CASR: variants seen among roughly 807,000 people sequenced by gnomAD.
CASR encodes calcium sensing receptor.
In CASR, 23 loss-of-function variants were observed where a neutral mutation model predicts 69.1. The observed-to-expected ratio is 0.33, with a 90% CI of 0.24 to 0.47. The LOEUF is 0.47. Among genes scored for constraint, CASR ranks in the 20% least tolerant of loss-of-function variants. The probability of loss-of-function intolerance (pLI) is 1.00; values close to 1 mark genes in which losing one functional copy is unlikely to be tolerated. For synonymous variants in CASR, 541 were observed against 544.7 expected, an observed-to-expected ratio of 0.99 and a Z score of 0.10; for missense variants, 924 against 1,356.1, an observed-to-expected ratio of 0.68 and a Z score of 5.00.
intron 1 of CASR, among the ~76,000 whole-genome samples, chr3:122,241,317 A>G (rs1198288404): frequency 6.6e-6 from 1 of 152,134 alleles, no homozygotes; most frequent in African/African-American, 2.4e-5. Context: ...AGAAGACCCA[A>G]ATAAATAAAA....
chr3:122,218,781 T>C (rs2074143143), intron 1 of CASR, among the ~76,000 whole-genome samples: 1 of 152,204 alleles, frequency 6.6e-6, no homozygotes, highest in Non-Finnish European at 1.5e-5. Context: ...GTTGACAATA[T>C]GCAAGTAAAC....
chr3:122,284,726 C>G lies in CASR; in HGVS notation c.2772C>G (p.Phe924Leu). The change falls in exon 7 of 7, where the codon TTC (phenylalanine) becomes TTG (leucine). Residue 924 changes from phenylalanine (F) to leucine (L), a missense_variant. Coordinates refer to ENST00000639785, the MANE Select transcript of CASR (RefSeq NM_000388.4). Reference sequence around the variant, plus strand: ...GCAAGAGCAACAGCGAAGACCCATTCCCACAGCCCGAGAGGCAGAAGCAGC... The same window carrying G: ...GCAAGAGCAACAGCGAAGACCCATTGCCACAGCCCGAGAGGCAGAAGCAGC... ...ISSKSNSEDP[F>L]PQPERQKQQQ... 2 of 1,614,190 alleles carry G rather than the reference C, an allele frequency of 1.2e-6. No homozygotes were observed. Among genetic ancestry groups the G allele is most frequent in the Non-Finnish European group, 1.7e-6 (2 of 1,180,020 alleles).
intron 1 of CASR, among the ~76,000 whole-genome samples, chr3:122,187,842 G>A (rs544867315): frequency 6.6e-6 from 1 of 152,326 alleles, no homozygotes; most frequent in East Asian, 1.9e-4. Flanking sequence ...CAAGAGGTAG[G>A]GAGGCTAGCA....
chr3:122,259,062 C>T (rs1553766435), intron 3 of CASR, among the ~76,000 whole-genome samples: 1 of 152,056 alleles, frequency 6.6e-6, no homozygotes, highest in Non-Finnish European at 1.5e-5. Flanking sequence ...GAAATTCTCC[C>T]CTCTTACAAT....
rs949204787 is a variant in CASR at position 122,290,265 on chromosome 3, T to C, written c.*5074T>C. The stretch of plus-strand genomic sequence containing the variant: ...AGTTTCAGCACATGGATGGCAAATA[T>C]TTTCAAGTTTGGTGAAAATAGGTAA... On this transcript the variant is annotated 3_prime_UTR_variant, in exon 7 of 7. Coordinates refer to ENST00000639785, the MANE Select transcript of CASR (RefSeq NM_000388.4). 3 of 152,088 alleles carry C rather than the reference T, an allele frequency of 2.0e-5. No individual in the cohort carries two copies. The highest frequency in any genetic ancestry group is 2.9e-5 in the Non-Finnish European group (2 of 68,014). The allele number at this position is 152,088 out of a possible 1,614,324, so 9.4% of individuals were successfully genotyped here.
chr3:122,281,904 A>G (rs1409002709), intron 5 of CASR, among the ~76,000 whole-genome samples: 1 of 152,046 alleles, frequency 6.6e-6, no homozygotes, highest in African/African-American at 2.4e-5. Context: ...GTGCATGTAT[A>G]CACACACACT....
intron 1 of CASR, among the ~76,000 whole-genome samples, chr3:122,201,631 A>C (rs1452176064): frequency 7.1e-6 from 1 of 140,838 alleles, no homozygotes; most frequent in African/African-American, 2.6e-5. Flanking sequence ...GGCGGGGGCG[A>C]CCCCCCACCT....
intron 1 of CASR, among the ~76,000 whole-genome samples, chr3:122,194,565 T>C (rs1460247072): frequency 2.0e-5 from 3 of 152,178 alleles, no homozygotes; most frequent in Non-Finnish European, 4.4e-5. Flanking sequence ...GTGTGGTTTG[T>C]TAGTGTTTGC....
intron 5 of CASR, among the ~76,000 whole-genome samples, chr3:122,278,151 A>C (rs1218179689): frequency 6.6e-6 from 1 of 152,050 alleles, no homozygotes; most frequent in African/African-American, 2.4e-5. Context: ...ATCAAGGATG[A>C]AAAGCGTATG....
At chr3:122,207,204 T>C (rs2074015776) in intron 1 of CASR, among the ~76,000 whole-genome samples, 1 of 152,036 alleles carries the variant, frequency 6.6e-6, no homozygotes, top group Non-Finnish European at 1.5e-5. Flanking sequence ...GGTATTGTAT[T>C]GCAAAGTCCC....
intron 1 of CASR, among the ~76,000 whole-genome samples, chr3:122,236,322 T>C (rs1316809477): frequency 6.6e-6 from 1 of 152,210 alleles, no homozygotes; most frequent in African/African-American, 2.4e-5. Flanking sequence ...GGCAACTGAA[T>C]GTAGCATGTT....
chr3:122,247,993 A>G (rs2107619026), intron 1 of CASR, among the ~76,000 whole-genome samples: 1 of 152,240 alleles, frequency 6.6e-6, no homozygotes, highest in East Asian at 1.9e-4. Context: ...CCAGAACTAA[A>G]TGAGGCATGG....
chr3:122,261,691 G>A lies in CASR; in HGVS notation c.656G>A (p.Gly219Glu), dbSNP rs1237913277. The A allele has an allele frequency of 6.2e-7, 1 of 1,614,094 alleles. No homozygotes were observed. The highest frequency in any genetic ancestry group is 8.5e-7 in the Non-Finnish European group (1 of 1,180,042). Reference sequence around the variant, plus strand: ...ACAATTGCAGCTGATGACGACTATGGGCGGCCGGGGATTGAGAAATTCCGA... The same window carrying A: ...ACAATTGCAGCTGATGACGACTATGAGCGGCCGGGGATTGAGAAATTCCGA... ...VGTIAADDDYGRPGIEKFREE... is the reference protein window; with the variant it reads ...VGTIAADDDYERPGIEKFREE... Residue 219 changes from glycine to glutamate, a missense_variant, in exon 4 of 7, where the codon GGG becomes GAG. By Grantham distance (98) the Gly-to-Glu change is moderately conservative. This residue lies in a region of CASR where 141 missense variants were observed against 283.0 expected (regional missense o/e 0.50). Transcript: ENST00000639785.
At position 122,282,245 on chromosome 3, in the gene CASR, A is replaced by G. The variant is rs2074900202; in HGVS notation, c.1732+9A>G. 4.3e-6 allele frequency: 7 copies of G among 1,613,694 alleles called. No individual in the cohort carries two copies. The highest frequency in any genetic ancestry group is 5.1e-6 in the Non-Finnish European group (6 of 1,179,846). ...GTATAGTGATGAGACAGGTAAGGGA[A>G]CCCCTCTTGGGCACTGTGCAGGGCT... is the stretch of plus-strand genomic sequence containing the variant. On this transcript the variant is annotated intron_variant, in intron 6 of 6. Transcript: ENST00000639785.
chr3:122,215,792 C>T (rs1226404270), intron 1 of CASR, among the ~76,000 whole-genome samples: 1 of 152,184 alleles, frequency 6.6e-6, no homozygotes. Context: ...AATTGGTTTT[C>T]TTGGACAGCT....
rs200267002 is a variant in CASR at position 122,254,094 on chromosome 3, C to T, written c.-96C>T. 20 of 1,020,882 alleles carry T rather than the reference C, an allele frequency of 2.0e-5. No homozygotes were observed. The highest frequency in any genetic ancestry group is 3.1e-5 in the Non-Finnish European group (20 of 643,666). The allele number at this position is 1,020,882 out of a possible 1,614,324, so 63.2% of individuals were successfully genotyped here. A position where few individuals can be genotyped will look rare whatever the true frequency, so the allele number is the denominator to read the frequency against. Reference sequence around the variant, plus strand: ...ATTAATCAATCTGTAGACATGTGTCCCCACTGCAGGGAGTGAACTGCTCCA... The same window carrying T: ...ATTAATCAATCTGTAGACATGTGTCTCCACTGCAGGGAGTGAACTGCTCCA... On this transcript the variant is annotated 5_prime_UTR_variant, in exon 2 of 7. Transcript: ENST00000639785.
intron 1 of CASR, among the ~76,000 whole-genome samples, chr3:122,243,994 T>A (rs1032621271): frequency 2.0e-5 from 3 of 152,000 alleles, no homozygotes; most frequent in African/African-American, 7.2e-5. Flanking sequence ...CTCATGAACA[T>A]TGAGAGTAGA....
intron 4 of CASR, among the ~76,000 whole-genome samples, chr3:122,273,181 A>G (rs2074778345): frequency 1.3e-5 from 2 of 152,348 alleles, no homozygotes; most frequent in African/African-American, 4.8e-5. Context: ...ATGCATTTCA[A>G]TAAGGATGTA....
chr3:122,271,770 C>T (rs2074760548), intron 4 of CASR, among the ~76,000 whole-genome samples: 1 of 152,184 alleles, frequency 6.6e-6, no homozygotes, highest in Non-Finnish European at 1.5e-5. Context: ...GCCCCCAAAG[C>T]CCCAGTCTTA....
Sources: allele counts gnomAD v4.1 joint callset (sites outside exome capture counted in the v4.1 genomes callset), GRCh38; gene constraint gnomAD v4.1.1; regional missense constraint gnomAD v4.1.1; transcripts MANE v1.5; gene names NCBI Gene and HGNC (gene_info 2026-07-23, HGNC 2026-07-21).